The following CHIC1 variants were observed in gnomAD, a reference collection of about 807,000 sequenced individuals.
CHIC1 encodes cysteine rich hydrophobic domain 1.
A neutral mutation model predicts 18.5 loss-of-function variants in CHIC1; 7 were observed. That is an observed-to-expected ratio of 0.38 (90% CI 0.22 to 0.71). The LOEUF is 0.71. CHIC1 is among the 30% of genes least tolerant of loss of function. CHIC1 has a pLI of 0.49. For missense variants in CHIC1, 159 were observed against 176.9 expected, an observed-to-expected ratio of 0.90 and a Z score of 0.57; for synonymous variants, 77 against 73.5, an observed-to-expected ratio of 1.05 and a Z score of -0.25.
chrX:73,683,990 T>C lies in CHIC1; in HGVS notation c.*2985T>C, dbSNP rs2058110451. Reference sequence around the variant, plus strand: ...AAGATGGAGAAGTGCCTTGTCTTTTTAGAACAAAGATAACACATTACGTGT... The same window carrying C: ...AAGATGGAGAAGTGCCTTGTCTTTTCAGAACAAAGATAACACATTACGTGT... On this transcript the variant is annotated 3_prime_UTR_variant, in exon 6 of 6. Coordinates refer to ENST00000373502, the MANE Select transcript of CHIC1 (RefSeq NM_001039840.4). 1 of 112,208 alleles carries C rather than the reference T, an allele frequency of 8.9e-6. No homozygotes were observed. The highest frequency in any genetic ancestry group is 1.9e-5 in the Non-Finnish European group (1 of 52,924). 9.2% of individuals were successfully genotyped at this position (112,208 alleles called of 1,213,427 possible). A position where few individuals can be genotyped will look rare whatever the true frequency, so the allele number is the denominator to read the frequency against.
intron 3 of CHIC1, among the ~76,000 whole-genome samples, chrX:73,646,246 C>G (rs2057888826): frequency 9.0e-6 from 1 of 111,693 alleles, no homozygotes; most frequent in African/African-American, 3.3e-5. Context: ...CTATCCTGTT[C>G]TATTGTCCAG....
At chrX:73,649,534 G>T (rs1390115003) in intron 3 of CHIC1, among the ~76,000 whole-genome samples, 2 of 111,377 alleles carry the variant, frequency 1.8e-5, no homozygotes, top group Non-Finnish European at 3.8e-5. Context: ...AAAAGCAGAG[G>T]TTGCAATCCT....
chrX:73,652,259 G>A (rs886304872), intron 3 of CHIC1, among the ~76,000 whole-genome samples: 2 of 111,917 alleles, frequency 1.8e-5, no homozygotes, highest in East Asian at 2.8e-4. Context: ...AGACTCAAAT[G>A]TAAATCCCAA....
chrX:73,604,189 A>T (rs772333001), intron 3 of CHIC1, among the ~76,000 whole-genome samples: 7 of 103,782 alleles, frequency 6.7e-5, no homozygotes, highest in African/African-American at 2.3e-4. Flanking sequence ...TGAACCTGTT[A>T]CTGGTCTATT....
At chrX:73,623,992 T>G (rs989182629) in intron 3 of CHIC1, among the ~76,000 whole-genome samples, 4 of 110,869 alleles carry the variant, frequency 3.6e-5, no homozygotes, top group Non-Finnish European at 7.6e-5. Flanking sequence ...ATGCAGTTAC[T>G]AGGGCCTAAT....
intron 3 of CHIC1, among the ~76,000 whole-genome samples, chrX:73,637,063 ATGG>A (rs1369034606): frequency 9.0e-6 from 1 of 111,657 alleles, no homozygotes; most frequent in Non-Finnish European, 1.9e-5. Context: ...GGCAGATCTA[ATGG>A]TAATGTACTT....
In CHIC1 at chrX:73,682,141, T is replaced by C. The variant is rs1355509098; in HGVS notation, c.*1136T>C. The C allele has an allele frequency of 9.0e-6, 1 of 111,590 alleles. No individual in the cohort carries two copies. The highest frequency in any genetic ancestry group is 1.9e-5 in the Non-Finnish European group (1 of 52,815). 9.2% of individuals were successfully genotyped at this position (111,590 alleles called of 1,213,427 possible). On this transcript the variant is annotated 3_prime_UTR_variant, in exon 6 of 6. Coordinates refer to ENST00000373502, the MANE Select transcript of CHIC1 (RefSeq NM_001039840.4). The stretch of plus-strand genomic sequence containing the variant: ...TAGCTAAAGAGTATATAGCAGCTGA[T>C]TCATAATTGAAAAAAAATTCTCAAT...
chrX:73,599,759 G>A (rs1415537989), intron 3 of CHIC1, among the ~76,000 whole-genome samples: 2 of 107,756 alleles, frequency 1.9e-5, no homozygotes, highest in Non-Finnish European at 1.9e-5. Context: ...TTAGAAGTCA[G>A]GTAGTGTGAT....
rs1402696788 is a variant in CHIC1, at chrX:73,654,903, TTC to T, written c.508-24421_508-24420del. 4.5e-5 allele frequency among the ~76,000 whole-genome samples: 5 copies of T among 111,756 alleles called. No individual in the cohort carries two copies. The East Asian group carries it at 1.4e-3, about 31-fold the overall frequency. On this transcript the variant is annotated intron_variant, in intron 3 of 5. Transcript: ENST00000373502. ...AATTTGATTTTATTTATTTGGCTTT[TTC>T]TTTTATTTTAAGTTCAAAGGTACAT...
chrX:73,642,443 C>T (rs1195732338), intron 3 of CHIC1, among the ~76,000 whole-genome samples: 9 of 109,596 alleles, frequency 8.2e-5, no homozygotes, highest in African/African-American at 1.3e-4. Flanking sequence ...GAGTAGGTTG[C>T]GAAAATTTTC....
intron 3 of CHIC1, among the ~76,000 whole-genome samples, chrX:73,600,718 C>T (rs760246840): frequency 9.3e-6 from 1 of 107,125 alleles, no homozygotes; most frequent in South Asian, 3.9e-4. Context: ...TTTTGATGTG[C>T]TGCTGGATTC....
At chrX:73,634,416 T>A (rs968307964) in intron 3 of CHIC1, among the ~76,000 whole-genome samples, 9 of 111,908 alleles carry the variant, frequency 8.0e-5, no homozygotes, top group Admixed American at 7.6e-4. Context: ...ACCAAAAGAG[T>A]CAAGCCAGCT....
intron 3 of CHIC1, among the ~76,000 whole-genome samples, chrX:73,607,778 G>A (rs1156409462): frequency 9.3e-6 from 1 of 107,614 alleles, no homozygotes; most frequent in Non-Finnish European, 1.9e-5. Flanking sequence ...CAGGTGAGGC[G>A]ACACCCCACC....
chrX:73,584,679 T>A, intron 3 of CHIC1, 107 bp downstream of exon 3: 1 of 546,759 alleles, frequency 1.8e-6, no homozygotes, highest in South Asian at 6.4e-5. Flanking sequence ...TAGTTAATTC[T>A]TGTAACAATG....
chrX:73,643,507 A>G (rs1284564535), intron 3 of CHIC1, among the ~76,000 whole-genome samples: 6 of 111,881 alleles, frequency 5.4e-5, no homozygotes, highest in African/African-American at 2.0e-4. Context: ...AGATACACCA[A>G]TCAGACGTAG....
intron 3 of CHIC1, among the ~76,000 whole-genome samples, chrX:73,668,272 T>C (rs937001769): frequency 1.8e-5 from 2 of 111,913 alleles, no homozygotes; most frequent in Admixed American, 1.9e-4. Context: ...TGTTTTATCA[T>C]GATTCTTAGC....
intron 3 of CHIC1, among the ~76,000 whole-genome samples, chrX:73,659,007 A>G (rs1569504971): frequency 9.0e-6 from 1 of 111,649 alleles, no homozygotes; most frequent in Non-Finnish European, 1.9e-5. Context: ...AAAGAGTCCC[A>G]GCAGCCATGG....
At chrX:73,579,807 G>GT (rs1377726456) in intron 2 of CHIC1, among the ~76,000 whole-genome samples, 1 of 110,526 alleles carries the variant, frequency 9.0e-6, no homozygotes, top group African/African-American at 3.3e-5. Flanking sequence ...AATCATAAAT[G>GT]TTTTTTCAAA....
At chrX:73,623,929 T>G (rs1330181068) in intron 3 of CHIC1, among the ~76,000 whole-genome samples, 1 of 111,226 alleles carries the variant, frequency 9.0e-6, no homozygotes, top group African/African-American at 3.3e-5. Context: ...TAAAAGAAGA[T>G]CCAGTAGTTG....
Sources: gnomAD v4.1 joint callset for allele counts (sites outside exome capture counted in the v4.1 genomes callset) on GRCh38, gnomAD v4.1.1 for gene constraint, MANE v1.5 for transcripts, NCBI Gene and HGNC (gene_info 2026-07-23, HGNC 2026-07-21) for gene names.